SPINT1: variants seen among roughly 807,000 people sequenced by gnomAD.
SPINT1 encodes the protein kunitz-type protease inhibitor 1.
Under a neutral mutation model 53.7 loss-of-function variants are expected in SPINT1, and 38 were observed. The observed-to-expected ratio is 0.71, with a 90% CI of 0.55 to 0.93. SPINT1 has a LOEUF of 0.93. Ranked by LOEUF, SPINT1 falls within the 40% of genes least tolerant of loss-of-function variation. The pLI, the probability that SPINT1 is intolerant of heterozygous loss-of-function variation, is 0.00. For missense variants in SPINT1, 645 were observed against 692.9 expected (o/e 0.93, Z 0.78); for synonymous variants, 283 against 280.6 (o/e 1.01, Z -0.08).
Position 40,856,948 on chromosome 15 carries a change from C to G in SPINT1, c.1515C>G (p.Val505=). Residue 505 remains valine (V), a synonymous_variant, in exon 11 of 11, where the codon GTC becomes GTG. Coordinates refer to ENST00000562057, the MANE Select transcript of SPINT1 (RefSeq NM_003710.4). ...CTACCGAGGACACGGAGCACCTGGT[C>G]TATAACCACACCACGCGGCCCCTCT... ...VSTTEDTEHL[V]YNHTTRPL 2 of 1,614,098 alleles carry G rather than the reference C, an allele frequency of 1.2e-6. No homozygotes were observed. The highest frequency in any genetic ancestry group is 8.5e-7 in the Non-Finnish European group (1 of 1,179,942).
At position 40,856,860 on chromosome 15, in the gene SPINT1, G is replaced by A. The variant is rs1351092889; in HGVS notation, c.1427G>A (p.Arg476Lys). 6.2e-7 allele frequency: 1 copy of A among 1,614,136 alleles called. No individual in the cohort carries two copies. The highest frequency in any genetic ancestry group is 2.2e-5 in the East Asian group (1 of 44,878). ...GGTTACTGCTTCTTCAAGAACCAGA[G>A]AAAGGACTTCCACGGACACCACCAC... ...ILGYCFFKNQRKDFHGHHHHP... is the reference protein window; with the variant it reads ...ILGYCFFKNQKKDFHGHHHHP... Residue 476 changes from arginine (R) to lysine (K), a missense_variant, in exon 11 of 11, where the codon AGA (arginine) becomes AAA (lysine). Arg to Lys is a conservative substitution (Grantham distance 26). Coordinates refer to ENST00000562057, the MANE Select transcript of SPINT1 (RefSeq NM_003710.4).
Position 40,844,314 on chromosome 15 carries a change from G to A in SPINT1, c.-66+128G>A. On this transcript the variant is annotated intron_variant, in intron 1 of 10. Coordinates refer to ENST00000562057, the MANE Select transcript of SPINT1 (RefSeq NM_003710.4). This position sits in a 1 kb window ranked among gnomAD's most constrained non-coding sequence, Gnocchi z 5.8. ...TCCCTAGCGGTCCGCCTGTCCGTCT[G>A]TCTGGCTGCCGGGTCCCTGGAGGGC... 1.7e-6 allele frequency: 1 copy of A among 594,104 alleles called. No homozygotes were observed. Among genetic ancestry groups the A allele is most frequent in the Non-Finnish European group, 3.0e-6 (1 of 335,700 alleles). 36.8% of individuals were successfully genotyped at this position (594,104 alleles called of 1,614,324 possible).
In SPINT1 at chr15:40,849,920, G is replaced by A. The variant is rs1294210439; in HGVS notation, c.476-3204G>A. ...TTGTGGGCCATAGGGTCCCACTTGC[G>A]ACTGCTCAGCTCTGCTGTTGTTACA... On this transcript the variant is annotated intron_variant, in intron 2 of 10. Transcript: ENST00000562057. Among the ~76,000 whole-genome samples the A allele has an allele frequency of 6.6e-5, 10 of 152,272 alleles. No individual in the cohort carries two copies. In the East Asian group the frequency reaches 1.4e-3, roughly 21 times the overall value.
intron 10 of SPINT1, 130 bp downstream of exon 10, chr15:40,856,453 T>A: frequency 8.4e-7 from 1 of 1,192,376 alleles, no homozygotes; most frequent in Non-Finnish European, 1.2e-6. Flanking sequence ...CAGAGTACCG[T>A]AATCAAATGG....
At position 40,853,626 on chromosome 15, in the gene SPINT1, A is replaced by G. The variant is rs754089289; in HGVS notation, c.741A>G (p.Glu247=). Residue 247 remains glutamate (E), a splice_region_variant and synonymous_variant, in exon 4 of 11, where the codon GAA becomes GAG. Transcript: ENST00000562057. ...TVTVLSTKQT[E]DYCLASNKVG... ...CTGTGCTGTCCACCAAGCAGACAGA[A>G]GGTGAGGGAGGGGTGAGGAGCAGCA... is the stretch of plus-strand genomic sequence containing the variant. 6.2e-7 allele frequency: 1 copy of G among 1,613,910 alleles called. No homozygotes were observed. Among genetic ancestry groups the G allele is most frequent in the East Asian group, 2.2e-5 (1 of 44,848 alleles).
intron 10 of SPINT1, among the ~76,000 whole-genome samples, 175 bp downstream of exon 10, chr15:40,856,498 A>G (rs925051893): frequency 6.6e-6 from 1 of 152,138 alleles, no homozygotes; most frequent in African/African-American, 2.4e-5. Flanking sequence ...GGAGTACAGT[A>G]AAGTGCGTGC....
rs765625282 is a variant in SPINT1, at chr15:40,844,638, C to G, written c.84C>G (p.Leu28=). The G allele has an allele frequency of 1.2e-6, 2 of 1,607,276 alleles. No homozygotes were observed. The highest frequency in any genetic ancestry group is 8.5e-7 in the Non-Finnish European group (1 of 1,177,420). The change falls in exon 2 of 11, where the codon CTC becomes CTG. Residue 28 remains leucine (L), a synonymous_variant. Transcript: ENST00000562057. The surrounding 1 kb of genome is among the most constrained non-coding windows in gnomAD (Gnocchi z 5.8). Reference sequence around the variant, plus strand: ...TCGCCTTGTGGCTTCTGTGCACGCTCGGCCTCCAGGGCACCCAGGCCGGGC... The same window carrying G: ...TCGCCTTGTGGCTTCTGTGCACGCTGGGCCTCCAGGGCACCCAGGCCGGGC... ...PAVALWLLCT[L]GLQGTQAGPP...
At chr15:40,845,723 C>A (rs1171919451) in intron 2 of SPINT1, among the ~76,000 whole-genome samples, 1 of 152,148 alleles carries the variant, frequency 6.6e-6, no homozygotes, top group East Asian at 1.9e-4. Context: ...CTCCTGACCT[C>A]TGGCACTGAT....
chr15:40,854,859 T>C (rs1891587574), intron 8 of SPINT1, among the ~76,000 whole-genome samples, 170 bp downstream of exon 8: 1 of 152,230 alleles, frequency 6.6e-6, no homozygotes, highest in African/African-American at 2.4e-5. Flanking sequence ...CCTGGCTGGC[T>C]CTTGGGCTTT....
At position 40,854,439 on chromosome 15, in the gene SPINT1, A is replaced by G. The variant is rs368950895; in HGVS notation, c.983A>G (p.Asn328Ser). ...TCQPTQFRCS[N>S]GCCIDSFLEC... ...CAGCCCACCCAGTTCCGCTGCAGCA[A>G]TGGCTGCTGCATCGACAGTTTCCTG... Residue 328 changes from asparagine to serine, a missense_variant, in exon 7 of 11, where the codon AAT becomes AGT. Coordinates refer to ENST00000562057, the MANE Select transcript of SPINT1 (RefSeq NM_003710.4). 3.0e-5 allele frequency: 48 copies of G among 1,612,364 alleles called. No homozygotes were observed. The highest frequency in any genetic ancestry group is 3.8e-5 in the Non-Finnish European group (45 of 1,179,326).
chr15:40,853,968 G>A (rs1450056283), intron 5 of SPINT1, 87 bp downstream of exon 5: 27 of 1,610,142 alleles, frequency 1.7e-5, no homozygotes, highest in Non-Finnish European at 2.1e-5. Flanking sequence ...GGAGGTGGGT[G>A]GTGGGAGCTC....
rs1412825860 is a variant in SPINT1 at position 40,854,530 on chromosome 15, C to T, written c.1066+8C>T. 1.2e-6 allele frequency: 2 copies of T among 1,613,752 alleles called. No homozygotes were observed. Among genetic ancestry groups the T allele is most frequent in the Admixed American group, 3.3e-5 (2 of 59,966 alleles). ...AGGCTGCCTGTGAAAAATGTGAGGC[C>T]TGGGGGATAGAGGGGGTTGGGCAGC... is the stretch of plus-strand genomic sequence containing the variant. On this transcript the variant is annotated splice_region_variant and intron_variant, in intron 7 of 10. Transcript: ENST00000562057.
chr15:40,845,852 C>T lies in SPINT1; in HGVS notation c.475+823C>T, dbSNP rs567298915. Among the ~76,000 whole-genome samples the T allele has an allele frequency of 3.3e-5, 5 of 152,356 alleles. No homozygotes were observed. In the South Asian group the frequency reaches 1.0e-3, roughly 32 times the overall value. On this transcript the variant is annotated intron_variant, in intron 2 of 10. Coordinates refer to ENST00000562057, the MANE Select transcript of SPINT1 (RefSeq NM_003710.4). Reference sequence around the variant, plus strand: ...GTGAGCCTGGCCATAGTCTCCTCCACTGGCTGGACTTGGGACTGCTTAGCA... The same window carrying T: ...GTGAGCCTGGCCATAGTCTCCTCCATTGGCTGGACTTGGGACTGCTTAGCA...
intron 10 of SPINT1, 121 bp from the exon 11 acceptor site, chr15:40,856,649 C>T (rs1320872495): frequency 5.9e-6 from 9 of 1,524,296 alleles, no homozygotes; most frequent in African/African-American, 2.7e-5. Context: ...AGGTCTGAGT[C>T]GGGTGCCCAT....
intron 2 of SPINT1, among the ~76,000 whole-genome samples, chr15:40,851,294 C>T (rs889173700): frequency 6.6e-6 from 1 of 152,078 alleles, no homozygotes; most frequent in Non-Finnish European, 1.5e-5. Flanking sequence ...GCTGGGATTA[C>T]AGACATGTGC....
In SPINT1 at chr15:40,844,443, G is replaced by C. The variant is rs1372774403; in HGVS notation, c.-65-47G>C. 6 of 1,122,214 alleles carry C rather than the reference G, an allele frequency of 5.3e-6. No individual in the cohort carries two copies. The highest frequency in any genetic ancestry group is 6.7e-6 in the Non-Finnish European group (5 of 749,752). 69.5% of individuals were successfully genotyped at this position (1,122,214 alleles called of 1,614,324 possible). A position where few individuals can be genotyped will look rare whatever the true frequency, so the allele number is the denominator to read the frequency against. ...CGGCCCGCCTCCTCCAAAGTCTCCC[G>C]GGCTGATCAGGTGTGTCTCCTCCTC... is the stretch of plus-strand genomic sequence containing the variant. On this transcript the variant is annotated intron_variant, in intron 1 of 10. Transcript: ENST00000562057. This position sits in a 1 kb window ranked among gnomAD's most constrained non-coding sequence, Gnocchi z 5.8.
chr15:40,856,383 C>T (rs1298549189), intron 10 of SPINT1, 60 bp downstream of exon 10: 51 of 1,599,768 alleles, frequency 3.2e-5, no homozygotes, highest in Non-Finnish European at 4.2e-5. Flanking sequence ...CACGGATCAA[C>T]TCCACCTGTT....
At position 40,853,401 on chromosome 15, in the gene SPINT1, C is replaced by T. The variant is rs1891522203; in HGVS notation, c.604-88C>T. On this transcript the variant is annotated intron_variant, in intron 3 of 10. Transcript: ENST00000562057. ...TTAATCCAACTCCCCCTGGCCTCCC[C>T]AGGGGTGTGGGTGTGTGTCTGGCCA... is the stretch of plus-strand genomic sequence containing the variant. The T allele has an allele frequency of 8.1e-6, 13 of 1,609,152 alleles. 2 individuals carry two copies. In the South Asian group the frequency reaches 1.3e-4, roughly 16 times the overall value.
In SPINT1 at chr15:40,846,263, C is replaced by T. The variant is rs1325041613; in HGVS notation, c.475+1234C>T. ...GCTGGGATCAGGGCCAGTCCAGAGC[C>T]TTGGTTCCCCCTTTCTCTCTACCTG... On this transcript the variant is annotated intron_variant, in intron 2 of 10. Coordinates refer to ENST00000562057, the MANE Select transcript of SPINT1 (RefSeq NM_003710.4). Among the ~76,000 whole-genome samples the T allele has an allele frequency of 2.0e-5, 3 of 152,174 alleles. No individual in the cohort carries two copies. In the East Asian group the frequency reaches 5.8e-4, roughly 29 times the overall value.
Sources: gnomAD v4.1 joint callset for allele counts (sites outside exome capture counted in the v4.1 genomes callset) on GRCh38, gnomAD v4.1.1 for gene constraint, Gnocchi (gnomAD v3.1) non-coding constraint, MANE v1.5 for transcripts, NCBI Gene and HGNC (gene_info 2026-07-23, HGNC 2026-07-21) for gene names.